The following SPOCK3 variants were observed in gnomAD, a reference collection of about 807,000 sequenced individuals.
SPOCK3 encodes testican-3.
SPOCK3 carries 30 observed loss-of-function variants against 56.6 expected under a neutral mutation model. The ratio of observed to expected loss-of-function variants is 0.53; its 90% CI spans 0.40 to 0.72. The LOEUF (loss-of-function observed/expected upper bound fraction) is 0.72, where lower values mean the gene tolerates loss of function less well. SPOCK3 is among the 30% of genes least tolerant of loss of function. The pLI is 0.00. For missense variants in SPOCK3, 527 were observed against 530.0 expected, an observed-to-expected ratio of 0.99 and a Z score of 0.06; for synonymous variants, 196 against 183.3, an observed-to-expected ratio of 1.07 and a Z score of -0.56.
chr4:166,775,724 G>A (rs1381203548), intron 7 of SPOCK3, among the ~76,000 whole-genome samples: 1 of 152,170 alleles, frequency 6.6e-6, no homozygotes, highest in East Asian at 1.9e-4. Context: ...CCCATGAAGT[G>A]AAAAAGGTCT....
rs1237477044 is a variant in SPOCK3, at chr4:166,788,440, C to T, written c.709+3730G>A. Among the ~76,000 whole-genome samples, 4 of 152,020 alleles carry T rather than the reference C, an allele frequency of 2.6e-5. No individual in the cohort carries two copies. The South Asian group carries it at 8.3e-4, about 32-fold the overall frequency. ...TAAAAAGATAAAACACAAAAGCATG[C>T]TTTGTAATTTATATACTTTTTATCT... On this transcript the variant is annotated intron_variant, in intron 7 of 10. Coordinates refer to ENST00000357545, the MANE Select transcript of SPOCK3 (RefSeq NM_001040159.2).
chr4:167,207,082 G>A (rs1016920393), intron 2 of SPOCK3, among the ~76,000 whole-genome samples: 1 of 151,862 alleles, frequency 6.6e-6, no homozygotes, highest in African/African-American at 2.4e-5. Context: ...CAACTATTAC[G>A]TGTCAACTAT....
chr4:166,973,926 T>C (rs1337084181), intron 4 of SPOCK3, among the ~76,000 whole-genome samples: 1 of 152,308 alleles, frequency 6.6e-6, no homozygotes, highest in African/African-American at 2.4e-5. Context: ...TCTTTACTTA[T>C]GGAAATCAGT....
chr4:166,799,874 A>G (rs1308375621), intron 6 of SPOCK3, among the ~76,000 whole-genome samples: 1 of 152,072 alleles, frequency 6.6e-6, no homozygotes, highest in African/African-American at 2.4e-5. Flanking sequence ...GCAGACCTCA[A>G]CAAGTTCCTT....
At position 167,133,538 on chromosome 4, in the gene SPOCK3, T is replaced by A. The variant is rs377696608; in HGVS notation, c.190-71001A>T. On this transcript the variant is annotated intron_variant, in intron 2 of 10. Transcript: ENST00000357545. Reference sequence around the variant, plus strand: ...TGTAAAGCAGATATCCAGTAGTAGATGTCTTACAGAACAGAGCCTGATTAC... The same window carrying A: ...TGTAAAGCAGATATCCAGTAGTAGAAGTCTTACAGAACAGAGCCTGATTAC... 1.2e-4 allele frequency among the ~76,000 whole-genome samples: 19 copies of A among 152,338 alleles called. No individual in the cohort carries two copies. In the East Asian group the frequency reaches 3.5e-3, roughly 28 times the overall value.
At chr4:167,209,186 C>T (rs1734628683) in intron 2 of SPOCK3, among the ~76,000 whole-genome samples, 1 of 152,024 alleles carries the variant, frequency 6.6e-6, no homozygotes, top group Admixed American at 6.6e-5. Flanking sequence ...ACTGGGGTTC[C>T]TGTATTGGGT....
intron 3 of SPOCK3, among the ~76,000 whole-genome samples, chr4:167,041,319 G>A (rs1753212053): frequency 6.6e-6 from 1 of 152,094 alleles, no homozygotes. Context: ...TTCAACAAAT[G>A]ACAGCTAATA....
At chr4:167,031,897 C>T (rs932836750) in intron 3 of SPOCK3, among the ~76,000 whole-genome samples, 9 of 151,964 alleles carry the variant, frequency 5.9e-5, no homozygotes, top group Non-Finnish European at 1.3e-4. Context: ...TGTATCTGGA[C>T]CACGTACAGG....
At chr4:166,943,534 G>T (rs1262664586) in intron 4 of SPOCK3, among the ~76,000 whole-genome samples, 1 of 152,058 alleles carries the variant, frequency 6.6e-6, no homozygotes, top group Non-Finnish European at 1.5e-5. Flanking sequence ...GAAATGTCAG[G>T]CTAAAAACCT....
At chr4:166,745,505 G>C (rs1038444915) in intron 8 of SPOCK3, among the ~76,000 whole-genome samples, 2 of 152,142 alleles carry the variant, frequency 1.3e-5, no homozygotes, top group African/African-American at 4.8e-5. Context: ...ACATGGAAAG[G>C]AACAACCAGT....
Position 167,110,786 on chromosome 4 carries a change from T to TA in SPOCK3, c.190-48250dup, listed in dbSNP as rs962358831. Reference sequence around the variant, plus strand: ...TTTTAATAATATAGTTAAATATCTCTAAAAAAAATTCCTTTCAACATAAGA... The same window carrying TA: ...TTTTAATAATATAGTTAAATATCTCTAAAAAAAAATTCCTTTCAACATAAGA... On this transcript the variant is annotated intron_variant, in intron 2 of 10. Transcript: ENST00000357545. 3.3e-5 allele frequency among the ~76,000 whole-genome samples: 5 copies of TA among 151,930 alleles called. No homozygotes were observed. In the East Asian group the frequency reaches 7.7e-4, roughly 23 times the overall value.
intron 5 of SPOCK3, among the ~76,000 whole-genome samples, chr4:166,899,266 C>G (rs1484332258): frequency 7.9e-6 from 1 of 127,132 alleles, no homozygotes; most frequent in African/African-American, 2.8e-5. Context: ...ATCTATCTAT[C>G]TATCTATCTA....
At chr4:167,179,397 G>T (rs1731256030) in intron 2 of SPOCK3, among the ~76,000 whole-genome samples, 1 of 152,054 alleles carries the variant, frequency 6.6e-6, no homozygotes, top group African/African-American at 2.4e-5. Context: ...AAATGTCCCA[G>T]GGCAGGCACA....
intron 2 of SPOCK3, among the ~76,000 whole-genome samples, chr4:167,076,140 T>G (rs1757159868): frequency 6.6e-6 from 1 of 151,778 alleles, no homozygotes; most frequent in Admixed American, 6.6e-5. Flanking sequence ...TTGCCAGGGT[T>G]TGGGTGGGGA....
chr4:166,802,976 C>A (rs1183094226), intron 6 of SPOCK3, among the ~76,000 whole-genome samples: 1 of 152,072 alleles, frequency 6.6e-6, no homozygotes, highest in Admixed American at 6.5e-5. Flanking sequence ...GTAGAGTCTG[C>A]GGTAGTGGTG....
chr4:167,138,841 T>C (rs1183234394), intron 2 of SPOCK3, among the ~76,000 whole-genome samples: 1 of 151,956 alleles, frequency 6.6e-6, no homozygotes, highest in East Asian at 1.9e-4. Context: ...TTTGAGATAT[T>C]TTTATCTTCT....
chr4:166,984,561 C>A (rs1746931910), intron 4 of SPOCK3, among the ~76,000 whole-genome samples: 1 of 152,000 alleles, frequency 6.6e-6, no homozygotes, highest in African/African-American at 2.4e-5. Flanking sequence ...GCATAAGGAT[C>A]AACAGGAGGG....
intron 7 of SPOCK3, among the ~76,000 whole-genome samples, chr4:166,784,708 T>C (rs772499488): frequency 7.9e-5 from 12 of 152,116 alleles, no homozygotes; most frequent in Non-Finnish European, 1.2e-4. Context: ...GAAGACAGCA[T>C]GACATAAAGT....
chr4:167,089,785 T>C (rs1758541121), intron 2 of SPOCK3, among the ~76,000 whole-genome samples: 1 of 152,168 alleles, frequency 6.6e-6, no homozygotes, highest in Non-Finnish European at 1.5e-5. Flanking sequence ...TTCATATCCC[T>C]TTATAGTAAA....
Sources: gnomAD v4.1 joint callset for allele counts (sites outside exome capture counted in the v4.1 genomes callset) on GRCh38, gnomAD v4.1.1 for gene constraint, MANE v1.5 for transcripts, NCBI Gene and HGNC (gene_info 2026-07-23, HGNC 2026-07-21) for gene names.